Variants in BTBD1 observed in about 807,000 individuals in gnomAD.
BTBD1 encodes the protein BTB/POZ domain-containing protein 1.
In BTBD1, 34 loss-of-function variants were observed where a neutral mutation model predicts 48.0. The ratio of observed to expected loss-of-function variants is 0.71; its 90% CI spans 0.54 to 0.94. The LOEUF is 0.94. Ranked by LOEUF, BTBD1 falls within the 40% of genes least tolerant of loss-of-function variation. BTBD1 has a pLI of 0.00. For missense variants in BTBD1, 543 were observed against 625.6 expected (o/e 0.87, Z 1.41); for synonymous variants, 261 against 242.1 (o/e 1.08, Z -0.72).
chr15:83,051,474 T>TTATA (rs372292562), intron 2 of BTBD1, among the ~76,000 whole-genome samples: 6 of 148,454 alleles, frequency 4.0e-5, no homozygotes, highest in African/African-American at 7.4e-5. Context: ...ATTTTAAAAA[T>TTATA]TATATATATA....
chr15:83,027,267 G>T (rs1229882550), intron 5 of BTBD1, among the ~76,000 whole-genome samples: 1 of 152,184 alleles, frequency 6.6e-6, no homozygotes, highest in Non-Finnish European at 1.5e-5. Flanking sequence ...CAGGAGAATC[G>T]CTTGAACCTG....
At chr15:83,050,278 T>A (rs1252791039) in intron 2 of BTBD1, 100 bp from the exon 3 acceptor site, 8 of 600,762 alleles carry the variant, frequency 1.3e-5, no homozygotes, top group Non-Finnish European at 2.2e-5. Context: ...AATTGCTAAT[T>A]ATGTAAAAAT....
At chr15:83,020,012 T>C (rs1301718180) in intron 6 of BTBD1, 1 of 140,450 alleles carries the variant, frequency 7.1e-6, no homozygotes, top group Admixed American at 7.3e-5. Flanking sequence ...AGGGGCCTAA[T>C]GCCTGTAATC....
At chr15:83,043,895 C>A (rs1046877948) in intron 3 of BTBD1, among the ~76,000 whole-genome samples, 1 of 152,136 alleles carries the variant, frequency 6.6e-6, no homozygotes, top group Non-Finnish European at 1.5e-5. Context: ...CAGGTCCTCA[C>A]TCAGAACCCT....
chr15:83,067,250 G>C lies in BTBD1; in HGVS notation c.-99C>G. On this transcript the variant is annotated 5_prime_UTR_variant, in exon 1 of 8. Coordinates refer to ENST00000261721, the MANE Select transcript of BTBD1 (RefSeq NM_025238.4). ...CGCTGCCTCCCTGCCTTCCGGGAAA[G>C]GCGCTTCCGGGGGCCTCGCGCCTCC... is the stretch of plus-strand genomic sequence containing the variant. 14 of 1,215,960 alleles carry C rather than the reference G, an allele frequency of 1.2e-5. No homozygotes were observed. The highest frequency in any genetic ancestry group is 1.5e-5 in the Non-Finnish European group (14 of 949,456). 75.3% of individuals were successfully genotyped at this position (1,215,960 alleles called of 1,614,324 possible).
chr15:83,056,056 C>T (rs939654461), intron 2 of BTBD1, among the ~76,000 whole-genome samples: 1 of 151,448 alleles, frequency 6.6e-6, no homozygotes, highest in Non-Finnish European at 1.5e-5. Context: ...ATTACAAGCC[C>T]GCGCCACCAC....
At chr15:83,029,958 C>A in intron 5 of BTBD1, 178 bp downstream of exon 5, 1 of 654,428 alleles carries the variant, frequency 1.5e-6, no homozygotes, top group Non-Finnish European at 2.7e-6. Context: ...ACTCATAAAT[C>A]AGTGAGGAGG....
chr15:83,061,633 C>T (rs1007057274), intron 1 of BTBD1: 1 of 152,214 alleles, frequency 6.6e-6, no homozygotes, highest in African/African-American at 2.4e-5. Context: ...TCATGAGCCA[C>T]GAAGTCAAGC....
At chr15:83,019,585 G>A (rs1163957053) in intron 6 of BTBD1, among the ~76,000 whole-genome samples, 1 of 145,856 alleles carries the variant, frequency 6.9e-6, no homozygotes, top group Non-Finnish European at 1.5e-5. Flanking sequence ...AAGAAGCCTG[G>A]TGTCTTTTTT....
intron 1 of BTBD1, among the ~76,000 whole-genome samples, chr15:83,060,612 G>A (rs946288521): frequency 6.6e-6 from 1 of 151,906 alleles, no homozygotes; most frequent in Non-Finnish European, 1.5e-5. Flanking sequence ...TGGCCAATAT[G>A]GTAAAACCCC....
Position 83,041,800 on chromosome 15 carries a change from T to C in BTBD1, c.790A>G (p.Lys264Glu), listed in dbSNP as rs149360901. 1.7e-5 allele frequency: 28 copies of C among 1,614,100 alleles called. No individual in the cohort carries two copies. In the African/African-American group the frequency reaches 3.6e-4, roughly 21 times the overall value. The stretch of plus-strand genomic sequence containing the variant: ...AGTGCTTTTCCTAGAACTTTTTGTT[T>C]ATTCCCAAAAGTCACAGGTAATTGT... ...RQQLPVTFGNKQKVLGKALSL... is the reference protein window; with the variant it reads ...RQQLPVTFGNEQKVLGKALSL... Residue 264 changes from lysine to glutamate, a missense_variant, in exon 4 of 8, where the codon AAA becomes GAA. Physicochemically the swap from Lys to Glu is moderately conservative, Grantham distance 56 (BLOSUM62 1). Transcript: ENST00000261721.
intron 5 of BTBD1, among the ~76,000 whole-genome samples, chr15:83,027,682 AG>A (rs2032435416): frequency 1.3e-5 from 2 of 152,366 alleles, no homozygotes; most frequent in South Asian, 4.1e-4. Context: ...TTGACTTTAC[AG>A]GTTACAGATA....
chr15:83,050,598 T>A (rs2032963770), intron 2 of BTBD1, among the ~76,000 whole-genome samples: 1 of 152,192 alleles, frequency 6.6e-6, no homozygotes, highest in Non-Finnish European at 1.5e-5. Context: ...TCTAGTTAAG[T>A]ATGTTGCACA....
At chr15:83,024,524 T>C (rs11858468) in intron 5 of BTBD1, among the ~76,000 whole-genome samples, 29,963 of 152,196 alleles carry the variant, frequency 0.2, 3,133 homozygotes, top group Non-Finnish European at 0.22. Context: ...TCCAGCACTT[T>C]CATGGTTTCA....
chr15:83,038,360 A>G (rs1044562630), intron 4 of BTBD1, among the ~76,000 whole-genome samples: 19 of 152,184 alleles, frequency 1.2e-4, no homozygotes, highest in Non-Finnish European at 1.5e-5. Flanking sequence ...AAAGATCTCT[A>G]CAAGGAGAAC....
intron 4 of BTBD1, 49 bp from the exon 5 acceptor site, chr15:83,030,377 C>A (rs754353864): frequency 6.7e-6 from 10 of 1,495,042 alleles, no homozygotes; most frequent in East Asian, 2.3e-5. Flanking sequence ...GATTTCAATT[C>A]CTAACTTTGG....
At chr15:83,040,099 A>G (rs923019930) in intron 4 of BTBD1, among the ~76,000 whole-genome samples, 1 of 152,182 alleles carries the variant, frequency 6.6e-6, no homozygotes, top group East Asian at 1.9e-4. Context: ...ATGCAGCTAG[A>G]AGCCATTATC....
chr15:83,019,020 GTGTT>G (rs1377925528), intron 6 of BTBD1, among the ~76,000 whole-genome samples, 167 bp from the exon 7 acceptor site: 2 of 150,726 alleles, frequency 1.3e-5, no homozygotes, highest in East Asian at 1.9e-4. Context: ...GTGTGTGTGT[GTGTT>G]TGAGACAGAC....
intron 4 of BTBD1, among the ~76,000 whole-genome samples, chr15:83,040,233 G>C (rs1311319499): frequency 6.6e-6 from 1 of 152,046 alleles, no homozygotes; most frequent in African/African-American, 2.4e-5. Flanking sequence ...TTAAAAAGGG[G>C]AAAAGAGGAA....
Sources: allele counts gnomAD v4.1 joint callset (sites outside exome capture counted in the v4.1 genomes callset), GRCh38; gene constraint gnomAD v4.1.1; transcripts MANE v1.5; gene names NCBI Gene and HGNC (gene_info 2026-07-23, HGNC 2026-07-21).